The following HTR2A variants were observed in gnomAD, a reference collection of about 807,000 sequenced individuals.
HTR2A encodes 5-HT2 receptor.
HTR2A carries 14 observed loss-of-function variants against 31.0 expected under a neutral mutation model. That is an observed-to-expected ratio of 0.45 (90% CI 0.30 to 0.71). HTR2A has a LOEUF of 0.71. Ranked by LOEUF, HTR2A falls within the 30% of genes least tolerant of loss-of-function variation. HTR2A has a pLI of 0.09. For synonymous variants in HTR2A, 209 were observed against 225.2 expected, an observed-to-expected ratio of 0.93 and a Z score of 0.64; for missense variants, 442 against 573.3, an observed-to-expected ratio of 0.77 and a Z score of 2.34.
intron 3 of HTR2A, among the ~76,000 whole-genome samples, chr13:46,880,882 G>A (rs896843411): frequency 6.6e-5 from 10 of 151,946 alleles, no homozygotes; most frequent in African/African-American, 2.4e-4. Context: ...TCTTTCTTAT[G>A]ACCTGATCGT....
chr13:46,878,825 G>T (rs766775290), intron 3 of HTR2A, among the ~76,000 whole-genome samples: 3 of 152,102 alleles, frequency 2.0e-5, no homozygotes, highest in Non-Finnish European at 4.4e-5. Flanking sequence ...TAGTATCTGA[G>T]CACAAGTTTA....
intron 3 of HTR2A, among the ~76,000 whole-genome samples, chr13:46,838,977 TACAC>T (rs67738033): frequency 1.7e-3 from 238 of 140,710 alleles, no homozygotes; most frequent in East Asian, 7.1e-3. Flanking sequence ...GACACACACA[TACAC>T]ACACACACAC....
chr13:46,836,033 T>C (rs1417608210), intron 3 of HTR2A, among the ~76,000 whole-genome samples: 5 of 151,944 alleles, frequency 3.3e-5, no homozygotes, highest in Non-Finnish European at 7.4e-5. Flanking sequence ...ATTTTATTTA[T>C]TTATATATTT....
chr13:46,855,480 G>C (rs1193892833), intron 3 of HTR2A, among the ~76,000 whole-genome samples: 1 of 152,142 alleles, frequency 6.6e-6, no homozygotes, highest in Non-Finnish European at 1.5e-5. Context: ...CACTTTCCCA[G>C]TTCAGTGTGG....
chr13:46,877,215 T>C (rs537898771), intron 3 of HTR2A, among the ~76,000 whole-genome samples: 1 of 152,286 alleles, frequency 6.6e-6, no homozygotes, highest in East Asian at 1.9e-4. Context: ...TGAGATGATA[T>C]GTGTATTCCA....
intron 3 of HTR2A, among the ~76,000 whole-genome samples, chr13:46,865,680 G>A (rs1950813388): frequency 6.6e-6 from 1 of 152,206 alleles, no homozygotes; most frequent in South Asian, 2.1e-4. Context: ...CAGAGCAGTT[G>A]AATGTTAAAT....
intron 3 of HTR2A, among the ~76,000 whole-genome samples, chr13:46,836,014 A>G (rs905085484): frequency 3.9e-5 from 6 of 151,950 alleles, no homozygotes; most frequent in Non-Finnish European, 8.8e-5. Flanking sequence ...TTAACAACTG[A>G]TGCTGTTCAT....
At chr13:46,872,166 A>C (rs146768552) in intron 3 of HTR2A, among the ~76,000 whole-genome samples, 36 of 152,330 alleles carry the variant, frequency 2.4e-4, no homozygotes, top group African/African-American at 7.0e-4. Flanking sequence ...ATAAGAATCA[A>C]AGTGATATGC....
At chr13:46,839,089 G>A (rs1039411202) in intron 3 of HTR2A, among the ~76,000 whole-genome samples, 3 of 151,860 alleles carry the variant, frequency 2.0e-5, no homozygotes, top group Non-Finnish European at 2.9e-5. Flanking sequence ...TTAAATGCCC[G>A]GGATAAAAAG....
chr13:46,876,198 A>G (rs1410843432), intron 3 of HTR2A, among the ~76,000 whole-genome samples: 1 of 151,822 alleles, frequency 6.6e-6, no homozygotes, highest in Non-Finnish European at 1.5e-5. Context: ...CTCCATTTCT[A>G]CTGTTGAAAT....
At chr13:46,867,923 G>A (rs539711937) in intron 3 of HTR2A, among the ~76,000 whole-genome samples, 7 of 152,214 alleles carry the variant, frequency 4.6e-5, no homozygotes, top group Non-Finnish European at 1.0e-4. Context: ...TTTTTTTAAA[G>A]AGAACTAAGT....
chr13:46,841,807 C>T (rs1364780268), intron 3 of HTR2A, among the ~76,000 whole-genome samples: 1 of 152,124 alleles, frequency 6.6e-6, no homozygotes, highest in African/African-American at 2.4e-5. Context: ...GGCTTGTCAG[C>T]CGTCACTGCA....
intron 3 of HTR2A, among the ~76,000 whole-genome samples, chr13:46,843,399 T>G (rs1237654073): frequency 6.6e-6 from 1 of 152,174 alleles, no homozygotes; most frequent in African/African-American, 2.4e-5. Flanking sequence ...GGGGAAACTA[T>G]TGTACTGCAG....
chr13:46,876,236 A>G (rs1195180763), intron 3 of HTR2A, among the ~76,000 whole-genome samples: 1 of 151,902 alleles, frequency 6.6e-6, no homozygotes, highest in Admixed American at 6.6e-5. Flanking sequence ...GTTCAACTCA[A>G]GCATCTCCCT....
At chr13:46,837,403 T>G (rs1393882205) in intron 3 of HTR2A, among the ~76,000 whole-genome samples, 2 of 152,150 alleles carry the variant, frequency 1.3e-5, no homozygotes, top group African/African-American at 4.8e-5. Context: ...CTGTATAACT[T>G]AGTTTAAGAT....
At chr13:46,878,838 C>T (rs1052607591) in intron 3 of HTR2A, among the ~76,000 whole-genome samples, 7 of 152,142 alleles carry the variant, frequency 4.6e-5, no homozygotes, top group African/African-American at 1.7e-4. Context: ...CAAGTTTATA[C>T]TGCCTCACCC....
rs543839076 is a variant in HTR2A at position 46,852,954 on chromosome 13, A to G, written c.614-17315T>C. On this transcript the variant is annotated intron_variant, in intron 3 of 3. Transcript: ENST00000542664. ...TATCTACTTAGGTCTTGTCTGTCCT[A>G]TAATAGTTCTAGGGCTTTTTTTTTT... Among the ~76,000 whole-genome samples, 5 of 148,204 alleles carry G rather than the reference A, an allele frequency of 3.4e-5. No individual in the cohort carries two copies. The East Asian group carries it at 8.4e-4, about 25-fold the overall frequency.
chr13:46,889,009 T>C (rs1012328516), intron 3 of HTR2A, among the ~76,000 whole-genome samples: 8 of 152,070 alleles, frequency 5.3e-5, no homozygotes, highest in African/African-American at 1.9e-4. Flanking sequence ...GATAACAGAT[T>C]TAAACCCAAA....
chr13:46,888,268 C>T (rs1951025461), intron 3 of HTR2A, among the ~76,000 whole-genome samples: 1 of 152,130 alleles, frequency 6.6e-6, no homozygotes, highest in Non-Finnish European at 1.5e-5. Flanking sequence ...TCAGTACATA[C>T]ACCATGCAGG....
Sources: allele counts gnomAD v4.1 joint callset (sites outside exome capture counted in the v4.1 genomes callset), GRCh38; gene constraint gnomAD v4.1.1; transcripts MANE v1.5; gene names NCBI Gene and HGNC (gene_info 2026-07-23, HGNC 2026-07-21).